The following GALNT17 variants were observed in gnomAD, a reference collection of about 807,000 sequenced individuals.
GALNT17 encodes polypeptide N-acetylgalactosaminyltransferase 17.
In GALNT17, 29 loss-of-function variants were observed where a neutral mutation model predicts 63.7. That is an observed-to-expected ratio of 0.46 (90% CI 0.34 to 0.62). GALNT17 has a LOEUF of 0.62. Among genes scored for constraint, GALNT17 ranks in the 20% least tolerant of loss-of-function variants. The probability of loss-of-function intolerance (pLI) is 0.01; values close to 1 mark genes in which losing one functional copy is unlikely to be tolerated. For synonymous variants in GALNT17, 305 were observed against 318.3 expected, an observed-to-expected ratio of 0.96 and a Z score of 0.45; for missense variants, 603 against 799.6, an observed-to-expected ratio of 0.75 and a Z score of 2.97.
chr7:71,261,798 G>A (rs1338557417), intron 1 of GALNT17, among the ~76,000 whole-genome samples: 4 of 152,196 alleles, frequency 2.6e-5, no homozygotes, highest in Admixed American at 1.3e-4. Flanking sequence ...CTTTTTGCAC[G>A]TGTACTTCAT....
chr7:71,247,683 C>A (rs1226320370), intron 1 of GALNT17, among the ~76,000 whole-genome samples: 1 of 152,114 alleles, frequency 6.6e-6, no homozygotes, highest in African/African-American at 2.4e-5. Context: ...TCTCGAACTC[C>A]TGACCTCAGG....
chr7:71,356,189 G>T (rs1407995847), intron 2 of GALNT17, among the ~76,000 whole-genome samples: 1 of 152,112 alleles, frequency 6.6e-6, no homozygotes, highest in Non-Finnish European at 1.5e-5. Context: ...TGTTGGCCAG[G>T]CTGGTCTCAA....
chr7:71,321,019 G>A (rs148430027), intron 1 of GALNT17, among the ~76,000 whole-genome samples: 36 of 152,310 alleles, frequency 2.4e-4, no homozygotes, highest in African/African-American at 7.9e-4. Flanking sequence ...AGGAGTGCTT[G>A]GAGCATAGTG....
chr7:71,537,052 C>T (rs936341669), intron 5 of GALNT17, among the ~76,000 whole-genome samples: 1 of 152,154 alleles, frequency 6.6e-6, no homozygotes, highest in Non-Finnish European at 1.5e-5. Flanking sequence ...CATGTTCATC[C>T]CATTGCATAT....
chr7:71,466,321 T>C (rs1021055516), intron 5 of GALNT17, among the ~76,000 whole-genome samples: 2 of 152,158 alleles, frequency 1.3e-5, no homozygotes, highest in African/African-American at 4.8e-5. Flanking sequence ...TCCCTTGGAG[T>C]GTAGATACAA....
At chr7:71,425,088 A>G (rs1366394705) in intron 5 of GALNT17, among the ~76,000 whole-genome samples, 2 of 152,124 alleles carry the variant, frequency 1.3e-5, no homozygotes, top group Admixed American at 6.5e-5. Context: ...CAGTATAGCA[A>G]GTGGGCAAGT....
At chr7:71,455,200 G>T (rs1787332641) in intron 5 of GALNT17, among the ~76,000 whole-genome samples, 1 of 152,034 alleles carries the variant, frequency 6.6e-6, no homozygotes, top group South Asian at 2.1e-4. Context: ...CTGGTCAGTT[G>T]TTCATGTTGA....
At chr7:71,455,689 C>A (rs914549316) in intron 5 of GALNT17, among the ~76,000 whole-genome samples, 16 of 152,256 alleles carry the variant, frequency 1.1e-4, no homozygotes, top group African/African-American at 3.9e-4. Context: ...GTCCACACTC[C>A]CCAGCCAGCA....
chr7:71,224,282 G>A lies in GALNT17; in HGVS notation c.238+91242G>A, dbSNP rs182650944. On this transcript the variant is annotated intron_variant, in intron 1 of 10. Transcript: ENST00000333538. ...CTGGTCTCAAACCTCTGACCTCAAG[G>A]GATCCTTCGCCTTGTCCTCCCAAAG... 4.5e-3 allele frequency among the ~76,000 whole-genome samples: 692 copies of A among 152,140 alleles called. 2 individuals carry two copies. Among genetic ancestry groups the A allele is most frequent in the Middle Eastern group, 0.014 (4 of 294 alleles).
intron 6 of GALNT17, among the ~76,000 whole-genome samples, chr7:71,602,545 G>A (rs1049384149): frequency 6.6e-6 from 1 of 152,138 alleles, no homozygotes; most frequent in African/African-American, 2.4e-5. Context: ...ACGTGTTACT[G>A]TCTCTAAGAT....
chr7:71,331,847 T>C (rs1791813601), intron 1 of GALNT17, among the ~76,000 whole-genome samples: 1 of 152,110 alleles, frequency 6.6e-6, no homozygotes, highest in African/African-American at 2.4e-5. Flanking sequence ...AAGTGAAAAA[T>C]TGCTAAATTG....
intron 6 of GALNT17, among the ~76,000 whole-genome samples, chr7:71,592,510 A>ATAAAATAAAATAAAATAAAATAAAG (rs1789818032): frequency 1.4e-5 from 1 of 72,058 alleles, no homozygotes; most frequent in African/African-American, 4.9e-5. Context: ...ATAAAATAAA[A>ATAAAATAAAATAAAATAAAATAAAG]TAAAATAAAA....
At chr7:71,524,763 T>G (rs1380128503) in intron 5 of GALNT17, among the ~76,000 whole-genome samples, 4 of 152,228 alleles carry the variant, frequency 2.6e-5, no homozygotes, top group African/African-American at 9.6e-5. Flanking sequence ...TTCTTAGTGT[T>G]TGCTTTTGCC....
At chr7:71,481,266 G>A (rs1457510643) in intron 5 of GALNT17, among the ~76,000 whole-genome samples, 1 of 152,104 alleles carries the variant, frequency 6.6e-6, no homozygotes, top group African/African-American at 2.4e-5. Flanking sequence ...GGCCAACATG[G>A]TGAAACCTCA....
intron 5 of GALNT17, among the ~76,000 whole-genome samples, chr7:71,443,432 G>A (rs1208571576): frequency 1.3e-5 from 2 of 152,200 alleles, no homozygotes; most frequent in Non-Finnish European, 2.9e-5. Flanking sequence ...TGGGTCATGG[G>A]GACAGACCCC....
At chr7:71,530,570 ATTTATTTATTTATTT>A (rs1788702751) in intron 5 of GALNT17, among the ~76,000 whole-genome samples, 1 of 149,542 alleles carries the variant, frequency 6.7e-6, no homozygotes, top group Non-Finnish European at 1.5e-5. Context: ...TTATTTATTT[ATTTATTTATTTATTT>A]ATTTTTGAGA....
At chr7:71,682,958 T>TC (rs1416262881) in intron 9 of GALNT17, among the ~76,000 whole-genome samples, 3 of 152,074 alleles carry the variant, frequency 2.0e-5, no homozygotes, top group African/African-American at 2.4e-5. Flanking sequence ...AAGTCTCCTT[T>TC]CCTGCTGGGA....
intron 5 of GALNT17, among the ~76,000 whole-genome samples, chr7:71,484,740 A>G (rs966091460): frequency 6.7e-6 from 1 of 148,188 alleles, no homozygotes; most frequent in African/African-American, 2.5e-5. Context: ...TAGGTTTCCT[A>G]TTGGTTTTAT....
intron 5 of GALNT17, among the ~76,000 whole-genome samples, chr7:71,422,388 A>G (rs1361055302): frequency 6.6e-6 from 1 of 152,198 alleles, no homozygotes; most frequent in Admixed American, 6.5e-5. Context: ...CCATCTTGAG[A>G]TCCTTAACTT....
Sources: gnomAD v4.1 joint callset for allele counts (sites outside exome capture counted in the v4.1 genomes callset) on GRCh38, gnomAD v4.1.1 for gene constraint, MANE v1.5 for transcripts, NCBI Gene and HGNC (gene_info 2026-07-23, HGNC 2026-07-21) for gene names.